The following PCDHA4 variants were observed in gnomAD, a reference collection of about 807,000 sequenced individuals.
PCDHA4 encodes the protein protocadherin alpha-4.
A neutral mutation model predicts 61.4 loss-of-function variants in PCDHA4; 49 were observed. That is an observed-to-expected ratio of 0.80 (90% CI 0.63 to 1.01). The LOEUF is 1.01. PCDHA4 is among the 50% of genes least tolerant of loss of function. The pLI is 0.00. For synonymous variants in PCDHA4, 590 were observed against 550.3 expected, an observed-to-expected ratio of 1.07 and a Z score of -1.01; for missense variants, 1,254 against 1,235.8, an observed-to-expected ratio of 1.01 and a Z score of -0.22.
intron 1 of PCDHA4, chr5:140,824,499 T>C (rs1768140720): frequency 3.1e-6 from 1 of 327,260 alleles, no homozygotes; most frequent in African/African-American, 2.2e-5. Context: ...CTTTGTTGCT[T>C]AGTCTGCAGT....
intron 1 of PCDHA4, chr5:140,835,259 G>A (rs1773539388): frequency 1.9e-6 from 3 of 1,607,888 alleles, no homozygotes. Context: ...TAAAATCCAA[G>A]TTCCACATGG....
At chr5:141,009,167 G>A (rs2098401919) in intron 3 of PCDHA4, among the ~76,000 whole-genome samples, 1 of 152,180 alleles carries the variant, frequency 6.6e-6, no homozygotes, top group African/African-American at 2.4e-5. Flanking sequence ...TGTAAATACT[G>A]GCCTTGGCTG....
intron 3 of PCDHA4, among the ~76,000 whole-genome samples, chr5:140,986,226 C>T (rs2097191326): frequency 6.6e-6 from 1 of 152,168 alleles, no homozygotes; most frequent in African/African-American, 2.4e-5. Context: ...TCTCTAGCCT[C>T]CCCTCTGTGT....
chr5:140,807,279 T>C lies in PCDHA4; in HGVS notation c.92T>C (p.Leu31Pro), dbSNP rs782310722. ...LAAWEAGNGQLHYSVSEEAKH... is the reference protein window; with the variant it reads ...LAAWEAGNGQPHYSVSEEAKH... ...GCCTGGGAGGCAGGGAACGGTCAGC[T>C]CCACTACTCGGTCTCCGAGGAGGCC... The change falls in exon 1 of 4, where the codon CTC (leucine) becomes CCC (proline). Residue 31 changes from leucine to proline, a missense_variant. Leu to Pro is a moderately conservative substitution (Grantham distance 98, BLOSUM62 -3). Transcript: ENST00000530339. 3.7e-6 allele frequency: 6 copies of C among 1,614,094 alleles called. No homozygotes were observed. The Admixed American group carries it at 6.7e-5, about 18-fold the overall frequency.
intron 3 of PCDHA4, among the ~76,000 whole-genome samples, chr5:140,991,900 A>G (rs137964856): frequency 9.8e-4 from 149 of 152,250 alleles, no homozygotes; most frequent in African/African-American, 3.0e-3. Context: ...TTAACACAAA[A>G]TCCCTTTTGC....
At chr5:140,922,210 A>AAC (rs2080722350) in intron 1 of PCDHA4, among the ~76,000 whole-genome samples, 2 of 152,232 alleles carry the variant, frequency 1.3e-5, no homozygotes, top group Admixed American at 1.3e-4. Context: ...GAAACTTTGT[A>AAC]AAACATTTGA....
chr5:140,957,948 G>C (rs2153715688), intron 1 of PCDHA4, among the ~76,000 whole-genome samples: 1 of 152,152 alleles, frequency 6.6e-6, no homozygotes, highest in Non-Finnish European at 1.5e-5. Flanking sequence ...AGATCTTTAA[G>C]ACTATTAATT....
At chr5:140,822,223 C>T (rs2150114671) in intron 1 of PCDHA4, 1 of 1,614,234 alleles carries the variant, frequency 6.2e-7, no homozygotes, top group South Asian at 1.1e-5. Flanking sequence ...GCCAGATTCG[C>T]GGTTTCCGCT....
chr5:140,818,281 T>C (rs1475330326), intron 1 of PCDHA4, among the ~76,000 whole-genome samples: 2 of 152,230 alleles, frequency 1.3e-5, no homozygotes, highest in Non-Finnish European at 2.9e-5. Flanking sequence ...TGTTTCATAA[T>C]CCATGTTTTA....
At chr5:140,957,070 C>T (rs1260856872) in intron 1 of PCDHA4, among the ~76,000 whole-genome samples, 2 of 151,958 alleles carry the variant, frequency 1.3e-5, no homozygotes, top group Non-Finnish European at 2.9e-5. Context: ...TGACTGAGGG[C>T]TTTTTATTAA....
intron 1 of PCDHA4, among the ~76,000 whole-genome samples, chr5:140,976,448 G>C (rs2096716831): frequency 6.6e-6 from 1 of 152,148 alleles, no homozygotes; most frequent in Non-Finnish European, 1.5e-5. Context: ...CTACTAGGGA[G>C]GCTGGGGAAG....
Position 140,849,791 on chromosome 5 carries a change from G to A in PCDHA4, c.2385+40219G>A. ...TGGTTACCGCGCGGGACGGGGGCTC[G>A]CCTTCACTGTGGGCCACGGCCAGGG... On this transcript the variant is annotated intron_variant, in intron 1 of 3. Coordinates refer to ENST00000530339, the MANE Select transcript of PCDHA4 (RefSeq NM_018907.4). The A allele has an allele frequency of 1.9e-6, 3 of 1,598,446 alleles. 1 individual carries two copies. Among genetic ancestry groups the A allele is most frequent in the African/African-American group, 1.3e-5 (1 of 74,534 alleles).
chr5:141,010,105 G>A lies in PCDHA4; in HGVS notation c.*168G>A. 6.2e-7 allele frequency: 1 copy of A among 1,612,150 alleles called. No homozygotes were observed. Among genetic ancestry groups the A allele is most frequent in the African/African-American group, 1.3e-5 (1 of 74,962 alleles). The stretch of plus-strand genomic sequence containing the variant: ...GTCTAGAACGCATTTAACAGGTTTT[G>A]TCGTAAAAGCTTTACTAAGTCTGGT... On this transcript the variant is annotated 3_prime_UTR_variant, in exon 4 of 4. Transcript: ENST00000530339.
chr5:140,984,692 C>T (rs1252057323), intron 3 of PCDHA4, among the ~76,000 whole-genome samples: 2 of 152,130 alleles, frequency 1.3e-5, no homozygotes, highest in Non-Finnish European at 2.9e-5. Context: ...ATATGTTCTG[C>T]ACTGCTTGGA....
At chr5:140,832,953 T>C (rs2150205519) in intron 1 of PCDHA4, among the ~76,000 whole-genome samples, 88,791 of 151,994 alleles carry the variant, frequency 0.58, 26,721 homozygotes, top group African/African-American at 0.73. Context: ...TAAGTGAGTA[T>C]ACAGAAAATT....
Position 140,807,885 on chromosome 5 carries a change from T to C in PCDHA4, c.698T>C (p.Leu233Pro). The C allele has an allele frequency of 6.2e-7, 1 of 1,614,096 alleles. No individual in the cohort carries two copies. The highest frequency in any genetic ancestry group is 1.1e-5 in the South Asian group (1 of 91,072). Reference sequence around the variant, plus strand: ...ACCGTTCAGTTACTCATCACAGTACTGGATGCCAATGACAATGCCCCAGCT... The same window carrying C: ...ACCGTTCAGTTACTCATCACAGTACCGGATGCCAATGACAATGCCCCAGCT... ...TGTVQLLITV[L>P]DANDNAPAFD... The change falls in exon 1 of 4, where the codon CTG (leucine) becomes CCG (proline). Residue 233 changes from leucine (L) to proline (P), a missense_variant. Leu to Pro is a moderately conservative substitution (Grantham distance 98). Coordinates refer to ENST00000530339, the MANE Select transcript of PCDHA4 (RefSeq NM_018907.4).
chr5:141,007,679 T>A (rs1362984196), intron 3 of PCDHA4, among the ~76,000 whole-genome samples: 2 of 152,186 alleles, frequency 1.3e-5, no homozygotes, highest in Admixed American at 6.5e-5. Context: ...ACAAAAGTTA[T>A]CCTACTTCCA....
intron 1 of PCDHA4, chr5:140,863,222 A>C: frequency 9.0e-7 from 1 of 1,110,392 alleles, no homozygotes; most frequent in Non-Finnish European, 1.3e-6. Flanking sequence ...CAAGCGAGGA[A>C]GGTCCCATCG....
intron 1 of PCDHA4, chr5:140,836,293 T>C (rs2150257030): frequency 1.2e-6 from 2 of 1,613,634 alleles, no homozygotes; most frequent in African/African-American, 2.7e-5. Flanking sequence ...ACACGAGCCC[T>C]AGATGAGACG....
Sources: allele counts gnomAD v4.1 joint callset (sites outside exome capture counted in the v4.1 genomes callset), GRCh38; gene constraint gnomAD v4.1.1; transcripts MANE v1.5; gene names NCBI Gene and HGNC (gene_info 2026-07-23, HGNC 2026-07-21).